The following PRKCSH variants were observed in gnomAD, a reference collection of about 807,000 sequenced individuals.
PRKCSH encodes the protein glucosidase 2 subunit beta.
A neutral mutation model predicts 79.7 loss-of-function variants in PRKCSH; 42 were observed. The observed-to-expected ratio is 0.53, with a 90% CI of 0.41 to 0.68. PRKCSH has a LOEUF of 0.68. Ranked by LOEUF, PRKCSH falls within the 30% of genes least tolerant of loss-of-function variation. The probability of loss-of-function intolerance (pLI) is 0.00; values close to 1 mark genes in which losing one functional copy is unlikely to be tolerated. For synonymous variants in PRKCSH, 325 were observed against 288.2 expected, an observed-to-expected ratio of 1.13 and a Z score of -1.29; for missense variants, 686 against 709.0, an observed-to-expected ratio of 0.97 and a Z score of 0.37.
chr19:11,447,310 TG>T lies in PRKCSH; in HGVS notation c.850-128del. 1 of 1,234,438 alleles carries T rather than the reference TG, an allele frequency of 8.1e-7. No homozygotes were observed. The highest frequency in any genetic ancestry group is 1.3e-5 in the South Asian group (1 of 78,766). 76.5% of individuals were successfully genotyped at this position (1,234,438 alleles called of 1,614,324 possible). A position where few individuals can be genotyped will look rare whatever the true frequency, so the allele number is the denominator to read the frequency against. ...CCCACCGAGACCCCCCGACCCCAGC[TG>T]TCGGTCCTCCCTGCAGGCCCCGCAG... On this transcript the variant is annotated intron_variant, in intron 10 of 17. Coordinates refer to ENST00000677123, the MANE Select transcript of PRKCSH (RefSeq NM_001289104.2). The surrounding 1 kb of genome is among the most constrained non-coding windows in gnomAD (Gnocchi z 5.6).
chr19:11,435,679 T>TGGATACTGACCTTTGCTCCGGC lies in PRKCSH; in HGVS notation c.-104_-83dup. 7.7e-7 allele frequency: 1 copy of TGGATACTGACCTTTGCTCCGGC among 1,304,786 alleles called. No homozygotes were observed. Among genetic ancestry groups the TGGATACTGACCTTTGCTCCGGC allele is most frequent in the Non-Finnish European group, 1.0e-6 (1 of 999,680 alleles). The allele number at this position is 1,304,786 out of a possible 1,614,324, so 80.8% of individuals were successfully genotyped here. ...CGGCTGCTGGACAAGAGGGGTGCGG[T>TGGATACTGACCTTTGCTCCGGC]GGATACTGACCTTTGCTCCGGCCTC... On this transcript the variant is annotated 5_prime_UTR_variant, in exon 1 of 18. Coordinates refer to ENST00000677123, the MANE Select transcript of PRKCSH (RefSeq NM_001289104.2).
Position 11,448,750 on chromosome 19 carries a change from C to T in PRKCSH, c.1286+121C>T. 7.6e-7 allele frequency: 1 copy of T among 1,315,814 alleles called. No homozygotes were observed. Among genetic ancestry groups the T allele is most frequent in the Non-Finnish European group, 1.1e-6 (1 of 915,676 alleles). 81.5% of individuals were successfully genotyped at this position (1,315,814 alleles called of 1,614,324 possible). A position where few individuals can be genotyped will look rare whatever the true frequency, so the allele number is the denominator to read the frequency against. The stretch of plus-strand genomic sequence containing the variant: ...CTGCGGGTGGGGCCCGAGAGTGCTG[C>T]CTTCCATATTGAGGGGGAGCAGAAG... On this transcript the variant is annotated intron_variant, in intron 14 of 17. Transcript: ENST00000677123. The surrounding 1 kb of genome is among the most constrained non-coding windows in gnomAD (Gnocchi z 4.4).
chr19:11,439,216 G>A (rs1335116140), intron 5 of PRKCSH, among the ~76,000 whole-genome samples: 2 of 152,076 alleles, frequency 1.3e-5, no homozygotes, highest in African/African-American at 2.4e-5. Context: ...TTTTATGCAC[G>A]TGTGAGAGAT....
rs1429097519 is a variant in PRKCSH at position 11,437,897 on chromosome 19, G to C, written c.218G>C (p.Gly73Ala). Reference sequence around the variant, plus strand: ...ACAGGCACGGCTGCCTGTCCTAATGGCAGCTTCCACTGCACCAACACTGGC... The same window carrying C: ...ACAGGCACGGCTGCCTGTCCTAATGCCAGCTTCCACTGCACCAACACTGGC... ...DEPGTAACPN[G>A]SFHCTNTGYK... The change falls in exon 4 of 18, where the codon GGC (glycine) becomes GCC (alanine). Residue 73 changes from glycine (G) to alanine (A), a missense_variant. By Grantham distance (60) the Gly-to-Ala change is moderately conservative (BLOSUM62 0). Transcript: ENST00000677123. The C allele has an allele frequency of 5.6e-6, 9 of 1,614,082 alleles. No individual in the cohort carries two copies. The highest frequency in any genetic ancestry group is 7.6e-6 in the Non-Finnish European group (9 of 1,180,006).
intron 5 of PRKCSH, among the ~76,000 whole-genome samples, chr19:11,439,060 C>T (rs1193841379): frequency 6.6e-6 from 1 of 152,002 alleles, no homozygotes; most frequent in Non-Finnish European, 1.5e-5. Context: ...GGCGTACCCC[C>T]ACCACGCCTG....
At chr19:11,438,031 T>G in intron 4 of PRKCSH, 36 bp from the exon 5 acceptor site, 1 of 1,614,086 alleles carries the variant, frequency 6.2e-7, no homozygotes, top group Non-Finnish European at 8.5e-7. Flanking sequence ...GAGGAGGCAC[T>G]GCCAGGTCTG....
rs1045610573 is a variant in PRKCSH, at chr19:11,447,291, G to A, written c.849+131G>A. 6.9e-6 allele frequency: 9 copies of A among 1,300,010 alleles called. No individual in the cohort carries two copies. The African/African-American group carries it at 9.0e-5, about 13-fold the overall frequency. 80.5% of individuals were successfully genotyped at this position (1,300,010 alleles called of 1,614,324 possible). On this transcript the variant is annotated intron_variant, in intron 10 of 17. Coordinates refer to ENST00000677123, the MANE Select transcript of PRKCSH (RefSeq NM_001289104.2). The surrounding 1 kb of genome is among the most constrained non-coding windows in gnomAD (Gnocchi z 5.6). ...CTGGGTGGCCCCAGCACCCCCCACC[G>A]AGACCCCCCGACCCCAGCTGTCGGT... is the stretch of plus-strand genomic sequence containing the variant.
intron 5 of PRKCSH, among the ~76,000 whole-genome samples, chr19:11,438,648 G>A (rs1314208987): frequency 1.3e-5 from 2 of 151,724 alleles, no homozygotes; most frequent in Admixed American, 6.6e-5. Context: ...CCAGCTACTC[G>A]GTGGGCTGAG....
At chr19:11,437,741 C>G in intron 3 of PRKCSH, 135 bp from the exon 4 acceptor site, 1 of 836,186 alleles carries the variant, frequency 1.2e-6, no homozygotes, top group African/African-American at 1.7e-5. Flanking sequence ...CAGTGTACAA[C>G]TCTTTCCTTC....
intron 9 of PRKCSH, 150 bp from the exon 10 acceptor site, chr19:11,446,924 C>A: frequency 1.3e-6 from 1 of 787,142 alleles, no homozygotes; most frequent in Non-Finnish European, 2.2e-6. Context: ...CCCCTCCTGG[C>A]CGCAGTGCCT....
intron 7 of PRKCSH, among the ~76,000 whole-genome samples, chr19:11,443,249 C>T (rs1012452569): frequency 4.6e-5 from 7 of 150,564 alleles, no homozygotes; most frequent in African/African-American, 1.5e-4. Context: ...GCCATCTCTA[C>T]TAAAAGAAAA....
intron 9 of PRKCSH, among the ~76,000 whole-genome samples, 189 bp from the exon 10 acceptor site, chr19:11,446,885 C>T (rs1035060924): frequency 6.6e-6 from 1 of 152,140 alleles, no homozygotes; most frequent in South Asian, 2.1e-4. Flanking sequence ...CCCCTGGTCT[C>T]CTCCTCCCCT....
chr19:11,441,241 G>A lies in PRKCSH; in HGVS notation c.352G>A (p.Glu118Lys), dbSNP rs1328938713. ...TGCCTGTGTGTCTCCGCACCGCAGA[G>A]AGAAGGGCCGTAAGGAGAGAGAGTC... ...SGVICENTCK[E>K]KGRKERESLQ... The change falls in exon 6 of 18, where the codon GAG becomes AAG. Residue 118 changes from glutamate (E) to lysine (K), a missense_variant and splice_region_variant. This residue lies in a region of PRKCSH where 549 missense variants were observed against 520.2 expected (regional missense o/e 1.06). Transcript: ENST00000677123. 1.2e-6 allele frequency: 2 copies of A among 1,613,918 alleles called. No individual in the cohort carries two copies. Among genetic ancestry groups the A allele is most frequent in the African/African-American group, 2.7e-5 (2 of 74,916 alleles).
At chr19:11,444,350 G>A (rs563909525) in intron 7 of PRKCSH, among the ~76,000 whole-genome samples, 1 of 152,272 alleles carries the variant, frequency 6.6e-6, no homozygotes, top group East Asian at 1.9e-4. Context: ...CTGAGCCAGG[G>A]CTCCGAGGGT....
chr19:11,450,136 G>A (rs947496433), intron 17 of PRKCSH: 8 of 151,656 alleles, frequency 5.3e-5, no homozygotes, highest in Non-Finnish European at 1.5e-5. Context: ...GAGCTACCAT[G>A]TCTGGCCATC....
At chr19:11,450,361 C>G (rs1970552387) in intron 17 of PRKCSH, 1 of 151,546 alleles carries the variant, frequency 6.6e-6, no homozygotes, top group South Asian at 2.1e-4. Context: ...CCTGTAGTTC[C>G]AGCTGCTCAA....
chr19:11,438,942 CTG>C (rs1969916097), intron 5 of PRKCSH, among the ~76,000 whole-genome samples: 1 of 151,844 alleles, frequency 6.6e-6, no homozygotes, highest in African/African-American at 2.4e-5. Flanking sequence ...GGGTCTCACT[CTG>C]TCGCCCAGGC....
intron 7 of PRKCSH, among the ~76,000 whole-genome samples, chr19:11,443,153 C>T (rs932966872): frequency 9.9e-5 from 15 of 152,190 alleles, no homozygotes; most frequent in African/African-American, 2.9e-4. Context: ...TGGCTCACGC[C>T]TGTAATCCCA....
chr19:11,448,512 C>T lies in PRKCSH; in HGVS notation c.1197-28C>T, dbSNP rs1228075843. On this transcript the variant is annotated intron_variant, in intron 13 of 17. Coordinates refer to ENST00000677123, the MANE Select transcript of PRKCSH (RefSeq NM_001289104.2). This position sits in a 1 kb window ranked among gnomAD's most constrained non-coding sequence, Gnocchi z 4.4. ...GTCAGGCACTGGCGTCCCCAGCTGC[C>T]CCTTAACCGCTCCGCCTCCCCTTCC... The T allele has an allele frequency of 6.2e-7, 1 of 1,603,302 alleles. No homozygotes were observed. Among genetic ancestry groups the T allele is most frequent in the African/African-American group, 1.3e-5 (1 of 74,812 alleles).
Sources: gnomAD v4.1 joint callset for allele counts (sites outside exome capture counted in the v4.1 genomes callset) on GRCh38, gnomAD v4.1.1 for gene constraint, gnomAD v4.1.1 regional missense constraint, Gnocchi (gnomAD v3.1) non-coding constraint, MANE v1.5 for transcripts, NCBI Gene and HGNC (gene_info 2026-07-23, HGNC 2026-07-21) for gene names.